Variants in RBFOX1 observed in about 807,000 individuals in gnomAD.
RBFOX1 encodes the protein RNA binding fox-1 homolog 1, also known as RNA binding protein fox-1 homolog 1.
In RBFOX1, 8 loss-of-function variants were observed where a neutral mutation model predicts 57.7. That is an observed-to-expected ratio of 0.14 (90% CI 0.08 to 0.25). The LOEUF (loss-of-function observed/expected upper bound fraction) is 0.25. Among genes scored for constraint, RBFOX1 ranks in the 10% least tolerant of loss-of-function variants. The pLI is 1.00. For missense variants in RBFOX1, 611 were observed against 548.5 expected, an observed-to-expected ratio of 1.11 and a Z score of -1.14; for synonymous variants, 326 against 222.4, an observed-to-expected ratio of 1.47 and a Z score of -4.15.
At chr16:6,781,433 G>A (rs905367447) in intron 3 of RBFOX1, among the ~76,000 whole-genome samples, 2 of 152,052 alleles carry the variant, frequency 1.3e-5, no homozygotes, top group African/African-American at 4.8e-5. Flanking sequence ...GGATAATCCT[G>A]ATCCTGTAGA....
At chr16:5,959,465 A>G (rs1010086317) in intron 4 of RBFOX1, among the ~76,000 whole-genome samples, 9 of 152,194 alleles carry the variant, frequency 5.9e-5, no homozygotes, top group East Asian at 3.8e-4. Context: ...AGGAACATAC[A>G]ATGACAGGGG....
At chr16:7,231,487 G>A (rs554306900) in intron 4 of RBFOX1, among the ~76,000 whole-genome samples, 3 of 152,214 alleles carry the variant, frequency 2.0e-5, no homozygotes, top group Admixed American at 1.3e-4. Flanking sequence ...CAGTTCCTCG[G>A]GAAGTTAAGC....
chr16:6,093,775 G>C (rs1240320420), intron 1 of RBFOX1, among the ~76,000 whole-genome samples: 1 of 151,224 alleles, frequency 6.6e-6, no homozygotes, highest in East Asian at 2.0e-4. Context: ...GTGCATTCCA[G>C]CATGCCCCAC....
intron 4 of RBFOX1, among the ~76,000 whole-genome samples, chr16:7,147,241 G>A (rs1386750268): frequency 2.0e-5 from 3 of 151,156 alleles, no homozygotes; most frequent in African/African-American, 7.3e-5. Context: ...CTGACCTCAA[G>A]TGATCCGCCC....
chr16:7,685,955 G>T (rs931837957), intron 14 of RBFOX1, among the ~76,000 whole-genome samples: 9 of 152,000 alleles, frequency 5.9e-5, no homozygotes, highest in Non-Finnish European at 8.8e-5. Context: ...TCTCTGTGAG[G>T]TTACTTACTA....
chr16:6,768,170 C>G (rs62016065), intron 3 of RBFOX1, among the ~76,000 whole-genome samples: 1 of 151,708 alleles, frequency 6.6e-6, no homozygotes, highest in Non-Finnish European at 1.5e-5. Flanking sequence ...GCACTTCAGC[C>G]TGGGCAATAG....
At chr16:6,725,009 AGTCACTTT>A (rs2066859449) in intron 3 of RBFOX1, among the ~76,000 whole-genome samples, 1 of 141,010 alleles carries the variant, frequency 7.1e-6, no homozygotes, top group Non-Finnish European at 1.5e-5. Flanking sequence ...GACAGCCAGG[AGTCACTTT>A]TGTTGCCCTC....
intron 4 of RBFOX1, among the ~76,000 whole-genome samples, chr16:7,170,090 TA>T (rs1279450188): frequency 6.6e-6 from 1 of 152,034 alleles, no homozygotes; most frequent in Non-Finnish European, 1.5e-5. Context: ...AATAAATAAA[TA>T]AATAAGTATT....
At chr16:5,805,340 G>A (rs749059457) in intron 3 of RBFOX1, among the ~76,000 whole-genome samples, 1 of 152,162 alleles carries the variant, frequency 6.6e-6, no homozygotes, top group African/African-American at 2.4e-5. Flanking sequence ...ATATAAATTA[G>A]CATCCATAAG....
rs557706108 is a variant in RBFOX1 at position 5,640,988 on chromosome 16, C to A, written c.318+42027C>A. On this transcript the variant is annotated intron_variant, in intron 3 of 19. Transcript: ENST00000641259. ...CACATGCACACACATACATGCATAT[C>A]ATGCATACATATGCACACACATACA... 2.2e-3 allele frequency among the ~76,000 whole-genome samples: 333 copies of A among 151,546 alleles called. 1 individual carries two copies. Among genetic ancestry groups the A allele is most frequent in the Middle Eastern group, 0.018 (5 of 282 alleles).
chr16:6,419,254 G>A (rs989271172), intron 2 of RBFOX1, among the ~76,000 whole-genome samples: 6 of 152,024 alleles, frequency 3.9e-5, no homozygotes, highest in Non-Finnish European at 5.9e-5. Context: ...TACTGTCCAG[G>A]TATATGCTGT....
intron 13 of RBFOX1, among the ~76,000 whole-genome samples, chr16:7,666,841 T>G (rs758804959): frequency 3.3e-5 from 5 of 152,208 alleles, no homozygotes; most frequent in Non-Finnish European, 7.3e-5. Context: ...TTAGGAGATT[T>G]TGTCTCTCAC....
chr16:7,469,503 CTCAG>C (rs1292883111), intron 4 of RBFOX1, among the ~76,000 whole-genome samples: 25 of 152,180 alleles, frequency 1.6e-4, no homozygotes, highest in African/African-American at 6.0e-4. Context: ...TCCTTCATAT[CTCAG>C]CTTGCATGTG....
intron 4 of RBFOX1, among the ~76,000 whole-genome samples, chr16:7,373,280 A>G (rs971437612): frequency 6.6e-6 from 1 of 152,148 alleles, no homozygotes; most frequent in African/African-American, 2.4e-5. Context: ...TTTTGCACCA[A>G]CCTAAGGAAC....
chr16:6,179,150 A>G (rs2097040624), intron 1 of RBFOX1, among the ~76,000 whole-genome samples: 1 of 152,204 alleles, frequency 6.6e-6, no homozygotes, highest in South Asian at 2.1e-4. Flanking sequence ...AGGAGCCCTT[A>G]AAGCAGTTGT....
At chr16:6,835,178 G>C (rs1163707677) in intron 3 of RBFOX1, among the ~76,000 whole-genome samples, 2 of 152,100 alleles carry the variant, frequency 1.3e-5, no homozygotes, top group African/African-American at 4.8e-5. Flanking sequence ...TGGGATCACA[G>C]GCGTGAGCCA....
rs548415974 is a variant in RBFOX1, at chr16:6,859,418, T to C, written c.-15-192639T>C. Among the ~76,000 whole-genome samples, 24 of 151,962 alleles carry C rather than the reference T, an allele frequency of 1.6e-4. 1 individual carries two copies. In the South Asian group the frequency reaches 4.6e-3, roughly 29 times the overall value. ...TACTTGGCTCTAATATCATAATTGA[T>C]TTTACTTGTCAGCTCTCTGTTCATC... On this transcript the variant is annotated intron_variant, in intron 3 of 15. Transcript: ENST00000550418.
intron 4 of RBFOX1, among the ~76,000 whole-genome samples, chr16:7,339,694 C>G (rs1177295030): frequency 6.6e-6 from 1 of 152,180 alleles, no homozygotes; most frequent in Non-Finnish European, 1.5e-5. Context: ...CCCACTTCAG[C>G]CTCCCAAAAT....
At chr16:5,865,202 C>T (rs769367417) in intron 3 of RBFOX1, among the ~76,000 whole-genome samples, 2 of 152,164 alleles carry the variant, frequency 1.3e-5, no homozygotes, top group Non-Finnish European at 2.9e-5. Context: ...TATCATATTT[C>T]CCTGACATAT....
Sources: gnomAD v4.1 joint callset for allele counts (sites outside exome capture counted in the v4.1 genomes callset) on GRCh38, gnomAD v4.1.1 for gene constraint, MANE v1.5 for transcripts, NCBI Gene and HGNC (gene_info 2026-07-23, HGNC 2026-07-21) for gene names.